MDGA1: variants seen among roughly 807,000 people sequenced by gnomAD.
The protein encoded by MDGA1 is MAM domain containing glycosylphosphatidylinositol anchor 1.
A neutral mutation model predicts 101.5 loss-of-function variants in MDGA1; 54 were observed. The ratio of observed to expected loss-of-function variants is 0.53; its 90% CI spans 0.43 to 0.67. The LOEUF is 0.67. MDGA1 is among the 30% of genes least tolerant of loss of function. The pLI, the probability that MDGA1 is intolerant of heterozygous loss-of-function variation, is 0.00. For synonymous variants in MDGA1, 533 were observed against 558.3 expected, an observed-to-expected ratio of 0.95 and a Z score of 0.64; for missense variants, 1,083 against 1,323.8, an observed-to-expected ratio of 0.82 and a Z score of 2.82.
At position 37,644,506 on chromosome 6, in the gene MDGA1, T is replaced by A. The variant is rs1353749338; in HGVS notation, c.2392A>T (p.Thr798Ser). The change falls in exon 13 of 17, where the codon ACC becomes TCC. Residue 798 changes from threonine (T) to serine (S), a missense_variant. Physicochemically the swap from Thr to Ser is moderately conservative, Grantham distance 58. Coordinates refer to ENST00000434837, the MANE Select transcript of MDGA1 (RefSeq NM_153487.4). ...NTGPPTDISG[T>S]PEGYYMFIET... ...CAGGCCAGGTCCTCACCCTCAGGGG[T>A]GCCACTTATGTCGGTGGGGGGACCA... The A allele has an allele frequency of 6.3e-7, 1 of 1,579,734 alleles. No homozygotes were observed. Among genetic ancestry groups the A allele is most frequent in the East Asian group, 2.3e-5 (1 of 42,910 alleles).
chr6:37,676,098 TAC>T (rs568268671), intron 1 of MDGA1, among the ~76,000 whole-genome samples: 150 of 152,224 alleles, frequency 9.9e-4, no homozygotes, highest in African/African-American at 3.2e-3. Context: ...ACGCTAGAAG[TAC>T]AGTTAGAAGG....
Position 37,696,979 on chromosome 6 carries a change from C to T in MDGA1, c.-168G>A. ...CTGAAGAGGCGGAGGTGGCGGCGAC[C>T]CGTGTTTCTCCTCCGGCGGGGCCGC... On this transcript the variant is annotated 5_prime_UTR_variant, in exon 1 of 17. Transcript: ENST00000434837. The surrounding 1 kb of genome is among the most constrained non-coding windows in gnomAD (Gnocchi z 5.6). 1.7e-6 allele frequency: 1 copy of T among 597,526 alleles called. No individual in the cohort carries two copies. Among genetic ancestry groups the T allele is most frequent in the Non-Finnish European group, 2.9e-6 (1 of 339,218 alleles). The allele number at this position is 597,526 out of a possible 1,614,324, so 37.0% of individuals were successfully genotyped here.
Position 37,649,048 on chromosome 6 carries a change from T to A in MDGA1, c.1828A>T (p.Ser610Cys), listed in dbSNP as rs1427523746. 6.5e-7 allele frequency: 1 copy of A among 1,545,206 alleles called. No individual in the cohort carries two copies. Reference sequence around the variant, plus strand: ...GAGACGCTGCACTCGTAGCTGCCGCTGCTGTCGCGAGTTACGGCGTCGAGG... The same window carrying A: ...GAGACGCTGCACTCGTAGCTGCCGCAGCTGTCGCGAGTTACGGCGTCGAGG... ...LRLDAVTRDS[S>C]GSYECSVSND... The change falls in exon 9 of 17, where the codon AGC becomes TGC. Residue 610 changes from serine (S) to cysteine (C), a missense_variant. Physicochemically the swap from Ser to Cys is moderately radical, Grantham distance 112. Around this residue, in one of 3 missense-constraint regions of MDGA1, gnomAD observed 657 missense variants for 771.4 expected, o/e 0.85. Coordinates refer to ENST00000434837, the MANE Select transcript of MDGA1 (RefSeq NM_153487.4).
chr6:37,690,658 T>C (rs1762289850), intron 1 of MDGA1, among the ~76,000 whole-genome samples: 1 of 151,520 alleles, frequency 6.6e-6, no homozygotes, highest in African/African-American at 2.4e-5. Context: ...GTGCCTGTAG[T>C]CCTAGTTACT....
intron 9 of MDGA1, among the ~76,000 whole-genome samples, chr6:37,647,770 G>A (rs567108343): frequency 3.3e-5 from 5 of 152,090 alleles, no homozygotes; most frequent in African/African-American, 1.2e-4. Flanking sequence ...TGGGAGAACA[G>A]GGGAGAAGGG....
rs1192217442 is a variant in MDGA1 at position 37,650,362 on chromosome 6, G to A, written c.1356C>T (p.Thr452=). ...GCTCGGCAGGCGATCCCTCGCGCAC[G>A]GTCACCACGGCCCTACCCTTGGGCA... is the stretch of plus-strand genomic sequence containing the variant. ...ISVPKGRAVV[T]VREGSPAELQ... is the part of the protein sequence containing the mutation. The change falls in exon 8 of 17, where the codon ACC becomes ACT. Residue 452 remains threonine, a synonymous_variant. Transcript: ENST00000434837. The A allele has an allele frequency of 1.3e-6, 2 of 1,573,076 alleles. No individual in the cohort carries two copies. The highest frequency in any genetic ancestry group is 1.8e-5 in the Admixed American group (1 of 56,934).
rs979930761 is a variant in MDGA1, at chr6:37,633,956, A to C, written c.*3412T>G. ...GATCAAACTTTTGAGGTCCATCCTC[A>C]CTCTGACAGCCTGAGCCAGGGGCTT... On this transcript the variant is annotated 3_prime_UTR_variant, in exon 17 of 17. Transcript: ENST00000434837. 1.3e-5 allele frequency: 2 copies of C among 152,340 alleles called. No individual in the cohort carries two copies. Among genetic ancestry groups the C allele is most frequent in the African/African-American group, 4.8e-5 (2 of 41,434 alleles). 9.4% of individuals were successfully genotyped at this position (152,340 alleles called of 1,614,324 possible). A position where few individuals can be genotyped will look rare whatever the true frequency, so the allele number is the denominator to read the frequency against.
chr6:37,658,127 C>G, intron 3 of MDGA1, 118 bp downstream of exon 3: 1 of 1,209,456 alleles, frequency 8.3e-7, no homozygotes, highest in Non-Finnish European at 1.1e-6. Context: ...GCTCCTCCAC[C>G]AAGGTCAGCT....
chr6:37,664,842 GACACACACACACACACACACACACACAC>G (rs35594367), intron 1 of MDGA1, among the ~76,000 whole-genome samples: 822 of 55,258 alleles, frequency 0.015, 13 homozygotes, highest in African/African-American at 0.049. Flanking sequence ...CCTAACCTAA[GACACACACACACACACACACACACACAC>G]ACACACACAC....
chr6:37,670,563 T>C (rs572833306), intron 1 of MDGA1, among the ~76,000 whole-genome samples: 2 of 152,302 alleles, frequency 1.3e-5, no homozygotes, highest in Non-Finnish European at 2.9e-5. Flanking sequence ...AAGAAACTCA[T>C]GTAAAGTGTT....
At chr6:37,640,847 G>A (rs1037360360) in intron 14 of MDGA1, among the ~76,000 whole-genome samples, 4 of 152,146 alleles carry the variant, frequency 2.6e-5, no homozygotes, top group South Asian at 4.1e-4. Context: ...ATATCTCCAG[G>A]AGGGAGAAGA....
Position 37,658,266 on chromosome 6 carries a change from A to G in MDGA1, c.361T>C (p.Ser121Pro). The change falls in exon 3 of 17, where the codon TCC becomes CCC. Residue 121 changes from serine to proline, a missense_variant. Coordinates refer to ENST00000434837, the MANE Select transcript of MDGA1 (RefSeq NM_153487.4). ...ENGVGVPAIK[S>P]IRVDVQYLDE... ...TCACACTGCACGTCCACGCGGATGG[A>G]CTTGATGGCCGGCACCCCCACGCCG... The G allele has an allele frequency of 6.2e-7, 1 of 1,605,508 alleles. No individual in the cohort carries two copies.
chr6:37,687,430 ATG>A (rs1216387132), intron 1 of MDGA1, among the ~76,000 whole-genome samples: 8 of 149,296 alleles, frequency 5.4e-5, no homozygotes, highest in African/African-American at 2.0e-4. Context: ...TTAGCCGGGC[ATG>A]GTGGTGTATG....
At chr6:37,684,300 A>T (rs184454836) in intron 1 of MDGA1, among the ~76,000 whole-genome samples, 6 of 152,314 alleles carry the variant, frequency 3.9e-5, no homozygotes, top group Admixed American at 3.9e-4. Context: ...CCTACCCACA[A>T]GGGCGGGGGA....
chr6:37,673,695 G>A (rs1002369961), intron 1 of MDGA1, among the ~76,000 whole-genome samples: 3 of 152,034 alleles, frequency 2.0e-5, no homozygotes, highest in Non-Finnish European at 4.4e-5. Flanking sequence ...ACCACCAGCC[G>A]GGGGTGGACC....
At chr6:37,667,000 GTGA>G (rs1179465909) in intron 1 of MDGA1, among the ~76,000 whole-genome samples, 1 of 152,240 alleles carries the variant, frequency 6.6e-6, no homozygotes, top group Non-Finnish European at 1.5e-5. Context: ...AACGGTAGAT[GTGA>G]TGATAACACA....
In MDGA1 at chr6:37,635,704, T is replaced by A; in HGVS notation, c.*1664A>T. 1 of 398,698 alleles carries A rather than the reference T, an allele frequency of 2.5e-6. No homozygotes were observed. The highest frequency in any genetic ancestry group is 4.4e-6 in the Non-Finnish European group (1 of 226,084). The allele number at this position is 398,698 out of a possible 1,614,324, so 24.7% of individuals were successfully genotyped here. A position where few individuals can be genotyped will look rare whatever the true frequency, so the allele number is the denominator to read the frequency against. On this transcript the variant is annotated 3_prime_UTR_variant, in exon 17 of 17. Transcript: ENST00000434837. ...CCACCAAATGCTCCAGAAGGAGCCC[T>A]GTGATGCTCCTCACCAAAGGTGCTT...
rs1761287445 is a variant in MDGA1 at position 37,649,027 on chromosome 6, C to T, written c.1849G>A (p.Val617Ile). ...RDSSGSYECS[V>I]SNDVGSAACL... is the part of the protein sequence containing the mutation. ...GCAGCCGAGCCCACATCGTTGGAGA[C>T]GCTGCACTCGTAGCTGCCGCTGCTG... Residue 617 changes from valine (V) to isoleucine (I), a missense_variant, in exon 9 of 17, where the codon GTC (valine) becomes ATC (isoleucine). Coordinates refer to ENST00000434837, the MANE Select transcript of MDGA1 (RefSeq NM_153487.4). The T allele has an allele frequency of 6.5e-7, 1 of 1,549,480 alleles. No homozygotes were observed. Among genetic ancestry groups the T allele is most frequent in the Admixed American group, 1.9e-5 (1 of 51,486 alleles).
intron 1 of MDGA1, among the ~76,000 whole-genome samples, chr6:37,685,671 C>T (rs1762182323): frequency 1.3e-5 from 2 of 151,768 alleles, no homozygotes; most frequent in Admixed American, 6.6e-5. Flanking sequence ...GAGGTACCAA[C>T]CGGTAGACAT....
Sources: allele counts gnomAD v4.1 joint callset (sites outside exome capture counted in the v4.1 genomes callset), GRCh38; gene constraint gnomAD v4.1.1; regional missense constraint gnomAD v4.1.1; non-coding constraint Gnocchi (gnomAD v3.1); transcripts MANE v1.5; gene names NCBI Gene and HGNC (gene_info 2026-07-23, HGNC 2026-07-21).